RIMBP2: variants seen among roughly 807,000 people sequenced by gnomAD.
The protein encoded by RIMBP2 is RIMS-binding protein 2.
Under a neutral mutation model 118.6 loss-of-function variants are expected in RIMBP2, and 48 were observed. The ratio of observed to expected loss-of-function variants is 0.40; its 90% CI spans 0.32 to 0.51. The LOEUF (loss-of-function observed/expected upper bound fraction) is 0.51. RIMBP2 is among the 20% of genes least tolerant of loss of function. The pLI is 0.41. For missense variants in RIMBP2, 1,551 were observed against 1,768.3 expected, an observed-to-expected ratio of 0.88 and a Z score of 2.20; for synonymous variants, 762 against 742.9, an observed-to-expected ratio of 1.03 and a Z score of -0.42.
At chr12:130,624,048 C>A (rs116358334) in intron 2 of RIMBP2, among the ~76,000 whole-genome samples, 5 of 152,184 alleles carry the variant, frequency 3.3e-5, no homozygotes, top group African/African-American at 1.2e-4. Context: ...TGGGCTTGCT[C>A]TAGGAGAGCC....
chr12:130,683,625 C>T lies in RIMBP2; in HGVS notation c.-352+32597G>A, dbSNP rs530126532. Among the ~76,000 whole-genome samples, 20 of 152,238 alleles carry T rather than the reference C, an allele frequency of 1.3e-4. No homozygotes were observed. The highest frequency in any genetic ancestry group is 3.6e-4 in the African/African-American group (15 of 41,548). ...AAAGACACAGGTCATAAAGACCTTGCGGATAAAACAGTTGCAGTAAACAAG... is the reference window on the plus strand; with the variant it reads ...AAAGACACAGGTCATAAAGACCTTGTGGATAAAACAGTTGCAGTAAACAAG... On this transcript the variant is annotated intron_variant, in intron 1 of 22. Coordinates refer to ENST00000690449, the MANE Select transcript of RIMBP2 (RefSeq NM_001393629.1). This position sits in a 1 kb window ranked among gnomAD's most constrained non-coding sequence, Gnocchi z 4.4.
chr12:130,669,714 T>C (rs564138443), intron 1 of RIMBP2, among the ~76,000 whole-genome samples: 1 of 152,298 alleles, frequency 6.6e-6, no homozygotes, highest in Non-Finnish European at 1.5e-5. Flanking sequence ...CATTGCAGTG[T>C]GAGAACGGAC....
chr12:130,588,574 T>C (rs112065050), intron 2 of RIMBP2, among the ~76,000 whole-genome samples: 1 of 152,126 alleles, frequency 6.6e-6, no homozygotes, highest in African/African-American at 2.4e-5. Context: ...GTTGGAGAGG[T>C]AGTGGACGTG....
intron 15 of RIMBP2, chr12:130,426,771 AG>A (rs932436720): frequency 6.6e-6 from 1 of 152,184 alleles, no homozygotes; most frequent in African/African-American, 2.4e-5. Flanking sequence ...CCTTCTGAGG[AG>A]AGAAGGTGAC....
intron 1 of RIMBP2, among the ~76,000 whole-genome samples, chr12:130,634,711 C>T (rs1388274470): frequency 1.3e-5 from 2 of 152,094 alleles, no homozygotes; most frequent in Admixed American, 6.5e-5. Context: ...TCCACCTCAG[C>T]CTCCCAAGTA....
At chr12:130,714,069 C>T (rs964230726) in intron 1 of RIMBP2, among the ~76,000 whole-genome samples, 2 of 152,180 alleles carry the variant, frequency 1.3e-5, no homozygotes, top group African/African-American at 4.8e-5. Flanking sequence ...TGCCAGCGCT[C>T]ACCAACGTGT....
chr12:130,412,724 T>C lies in RIMBP2; in HGVS notation c.3484A>G (p.Ile1162Val), dbSNP rs760713679. Residue 1162 changes from isoleucine to valine, a missense_variant, in exon 19 of 23, where the codon ATT (isoleucine) becomes GTT (valine). By Grantham distance (29) the Ile-to-Val change is conservative. Coordinates refer to ENST00000690449, the MANE Select transcript of RIMBP2 (RefSeq NM_001393629.1). ...ATCTCAGAGACCATGTTACAAGGAA[T>C]AAGGCCAAGCCGGGCACAGGTTTCC... ...RGETCARLGLIPCNMVSEIQA... is the reference protein window; with the variant it reads ...RGETCARLGLVPCNMVSEIQA... 2 of 1,613,836 alleles carry C rather than the reference T, an allele frequency of 1.2e-6. No individual in the cohort carries two copies. Among genetic ancestry groups the C allele is most frequent in the Non-Finnish European group, 1.7e-6 (2 of 1,179,962 alleles).
rs940804198 is a variant in RIMBP2, at chr12:130,621,849, A to G, written c.-217+6473T>C. Among the ~76,000 whole-genome samples, 16 of 152,070 alleles carry G rather than the reference A, an allele frequency of 1.1e-4. No homozygotes were observed. Among genetic ancestry groups the G allele is most frequent in the Non-Finnish European group, 4.4e-5 (3 of 68,006 alleles). On this transcript the variant is annotated intron_variant, in intron 2 of 22. Transcript: ENST00000690449. This position sits in a 1 kb window ranked among gnomAD's most constrained non-coding sequence, Gnocchi z 6.6. ...AAGGTAAACCTGGAGCCATCGCTGA[A>G]CCCAGCCTGGTACTGAGGCCAGCAG...
intron 1 of RIMBP2, among the ~76,000 whole-genome samples, chr12:130,639,331 T>C (rs182225259): frequency 4.0e-5 from 6 of 148,808 alleles, no homozygotes; most frequent in Admixed American, 6.8e-5. Flanking sequence ...AGAAGTTGCA[T>C]TGAGCCAAGA....
At chr12:130,483,624 G>A (rs954930673) in intron 4 of RIMBP2, among the ~76,000 whole-genome samples, 3 of 149,818 alleles carry the variant, frequency 2.0e-5, no homozygotes, top group Non-Finnish European at 3.0e-5. Context: ...GATACACAGT[G>A]CCCAGAGCCC....
Position 130,621,411 on chromosome 12 carries a change from A to G in RIMBP2, c.-217+6911T>C, listed in dbSNP as rs1247016073. On this transcript the variant is annotated intron_variant, in intron 2 of 22. Coordinates refer to ENST00000690449, the MANE Select transcript of RIMBP2 (RefSeq NM_001393629.1). The surrounding 1 kb of genome is among the most constrained non-coding windows in gnomAD (Gnocchi z 6.6). ...AAGACTGACGCCAACACAGAGGAAAAGGATGGAGATTCCCAAAACATCGGC... is the reference window on the plus strand; with the variant it reads ...AAGACTGACGCCAACACAGAGGAAAGGGATGGAGATTCCCAAAACATCGGC... Among the ~76,000 whole-genome samples the G allele has an allele frequency of 6.6e-6, 1 of 152,214 alleles. No homozygotes were observed. The highest frequency in any genetic ancestry group is 1.5e-5 in the Non-Finnish European group (1 of 68,034).
At chr12:130,635,687 A>G (rs1331571186) in intron 1 of RIMBP2, among the ~76,000 whole-genome samples, 4 of 152,242 alleles carry the variant, frequency 2.6e-5, no homozygotes, top group South Asian at 2.1e-4. Context: ...GTGACTCACA[A>G]TGCTATCTCA....
At chr12:130,428,552 G>T in intron 14 of RIMBP2, 2 of 429,454 alleles carry the variant, frequency 4.7e-6, no homozygotes, top group Non-Finnish European at 4.1e-6. Context: ...TGGGATCAGC[G>T]CAGGTCTCTC....
chr12:130,407,070 A>G (rs1395878355), intron 20 of RIMBP2, among the ~76,000 whole-genome samples: 1 of 152,216 alleles, frequency 6.6e-6, no homozygotes, highest in African/African-American at 2.4e-5. Flanking sequence ...CACCCAGCAG[A>G]ACATGGAAGC....
At chr12:130,464,054 C>T (rs1198877968) in intron 6 of RIMBP2, among the ~76,000 whole-genome samples, 1 of 152,176 alleles carries the variant, frequency 6.6e-6, no homozygotes, top group Non-Finnish European at 1.5e-5. Flanking sequence ...AAGGGTGGAG[C>T]CCTCAGTTCC....
At chr12:130,665,609 C>A (rs755030827) in intron 1 of RIMBP2, among the ~76,000 whole-genome samples, 11 of 151,636 alleles carry the variant, frequency 7.3e-5, no homozygotes, top group African/African-American at 2.0e-4. Context: ...CCGTGAGGAA[C>A]CTTCTGTAAA....
rs1313354902 is a variant in RIMBP2 at position 130,481,923 on chromosome 12, C to T, written c.-3-2907G>A. On this transcript the variant is annotated intron_variant, in intron 4 of 22. Coordinates refer to ENST00000690449, the MANE Select transcript of RIMBP2 (RefSeq NM_001393629.1). ...TCCAAGAGCCTCAGTTTCCCCCCGACCCCCCAAGCCGCCACCACCACCACC... is the reference window on the plus strand; with the variant it reads ...TCCAAGAGCCTCAGTTTCCCCCCGATCCCCCAAGCCGCCACCACCACCACC... 1.2e-4 allele frequency among the ~76,000 whole-genome samples: 16 copies of T among 137,108 alleles called. No homozygotes were observed. In the East Asian group the frequency reaches 2.5e-3, roughly 21 times the overall value. 89.9% of individuals were successfully genotyped at this position (137,108 alleles called of 152,430 possible).
At chr12:130,509,733 C>G (rs1056485175) in intron 3 of RIMBP2, among the ~76,000 whole-genome samples, 1 of 150,880 alleles carries the variant, frequency 6.6e-6, no homozygotes, top group African/African-American at 2.4e-5. Flanking sequence ...TCTGCCCCCC[C>G]GCCCCGGCAA....
intron 2 of RIMBP2, among the ~76,000 whole-genome samples, chr12:130,558,405 G>A (rs914339909): frequency 4.6e-5 from 7 of 152,124 alleles, no homozygotes; most frequent in Admixed American, 6.5e-5. Flanking sequence ...CAGCTGCCGG[G>A]GTGGGGCTGG....
Sources: allele counts gnomAD v4.1 joint callset (sites outside exome capture counted in the v4.1 genomes callset), GRCh38; gene constraint gnomAD v4.1.1; non-coding constraint Gnocchi (gnomAD v3.1); transcripts MANE v1.5; gene names NCBI Gene and HGNC (gene_info 2026-07-23, HGNC 2026-07-21).